RABGEF1: variants seen among roughly 807,000 people sequenced by gnomAD.
The protein encoded by RABGEF1 is RAB guanine nucleotide exchange factor 1, also known as rab5 GDP/GTP exchange factor.
Under a neutral mutation model 57.3 loss-of-function variants are expected in RABGEF1, and 26 were observed. The ratio of observed to expected loss-of-function variants is 0.45; its 90% CI spans 0.33 to 0.63. The LOEUF (loss-of-function observed/expected upper bound fraction) is 0.63, where lower values mean the gene tolerates loss of function less well. Among genes scored for constraint, RABGEF1 ranks in the 20% least tolerant of loss-of-function variants. RABGEF1 has a pLI of 0.02. For synonymous variants in RABGEF1, 185 were observed against 210.7 expected (o/e 0.88, Z 1.06); for missense variants, 464 against 607.6 (o/e 0.76, Z 2.48).
At chr7:66,801,384 C>T (rs1370662986) in intron 7 of RABGEF1, among the ~76,000 whole-genome samples, 4 of 152,146 alleles carry the variant, frequency 2.6e-5, no homozygotes, top group African/African-American at 9.7e-5. Flanking sequence ...TTTTGTATTA[C>T]AGAGAATCCT....
chr7:66,757,736 T>C (rs1369228526), intron 1 of RABGEF1, among the ~76,000 whole-genome samples: 1 of 152,142 alleles, frequency 6.6e-6, no homozygotes, highest in Non-Finnish European at 1.5e-5. Flanking sequence ...CTCAGCCTCC[T>C]GAGTAGCTGG....
the RABGEF1 span, among the ~76,000 whole-genome samples, chr7:66,671,412 G>A: frequency 5.9e-5 from 9 of 152,218 alleles, no homozygotes; most frequent in East Asian, 1.3e-3. Context: ...TCCCACATAG[G>A]GGGGTAGTCT....
At chr7:66,774,846 A>T (rs1402550930) in intron 2 of RABGEF1, among the ~76,000 whole-genome samples, 1 of 152,196 alleles carries the variant, frequency 6.6e-6, no homozygotes, top group Non-Finnish European at 1.5e-5. Flanking sequence ...CTCCCCCAGC[A>T]GATTGAGTTG....
At chr7:66,743,769 G>C (rs1483628686) in intron 1 of RABGEF1, among the ~76,000 whole-genome samples, 1 of 152,114 alleles carries the variant, frequency 6.6e-6, no homozygotes, top group Admixed American at 6.5e-5. Flanking sequence ...CCAAAGTGCT[G>C]GGATTACAGG....
chr7:66,664,813 G>A, the RABGEF1 span, among the ~76,000 whole-genome samples: 2 of 152,176 alleles, frequency 1.3e-5, no homozygotes, highest in Admixed American at 1.3e-4. Flanking sequence ...CCTCATCCCC[G>A]CTCTGTTCAA....
intron 1 of RABGEF1, among the ~76,000 whole-genome samples, chr7:66,764,819 T>C (rs1805300175): frequency 6.6e-6 from 1 of 152,242 alleles, no homozygotes; most frequent in Non-Finnish European, 1.5e-5. Flanking sequence ...CGTTGATTTC[T>C]ATGACTTTCC....
At chr7:66,787,331 G>C (rs1489656646) in intron 4 of RABGEF1, among the ~76,000 whole-genome samples, 1 of 141,954 alleles carries the variant, frequency 7.0e-6, no homozygotes, top group African/African-American at 2.6e-5. Context: ...ACCATGCCTG[G>C]CCTGATTTTT....
At chr7:66,719,396 G>A (rs1175236758) in intron 2 of RABGEF1, among the ~76,000 whole-genome samples, 1 of 152,032 alleles carries the variant, frequency 6.6e-6, no homozygotes, top group African/African-American at 2.4e-5. Flanking sequence ...GTAGAGATGG[G>A]GTCTTGCTAT....
In RABGEF1 at chr7:66,775,296, C is replaced by T. The variant is rs748522060; in HGVS notation, c.249C>T (p.Phe83=). 8.1e-6 allele frequency: 13 copies of T among 1,613,856 alleles called. No individual in the cohort carries two copies. The highest frequency in any genetic ancestry group is 2.7e-5 in the African/African-American group (2 of 74,926). The change falls in exon 3 of 9, where the codon TTC becomes TTT. Residue 83 remains phenylalanine (F), a synonymous_variant. Transcript: ENST00000284957. The part of the protein sequence containing the change: ...QSSQGAQSLT[F]SKFEEKKTNE... ...GCCAAGGGGCCCAATCCCTCACATTCTCCAAGTTTGAAGAAAAGAAAACCA... is the reference window on the plus strand; with the variant it reads ...GCCAAGGGGCCCAATCCCTCACATTTTCCAAGTTTGAAGAAAAGAAAACCA...
At chr7:66,655,842 A>G in the RABGEF1 span, among the ~76,000 whole-genome samples, 1 of 152,326 alleles carries the variant, frequency 6.6e-6, no homozygotes, top group South Asian at 2.1e-4. Context: ...ATTTTTAATG[A>G]CCTTCCAAGC....
At chr7:66,654,864 C>T in the RABGEF1 span, among the ~76,000 whole-genome samples, 1 of 152,374 alleles carries the variant, frequency 6.6e-6, no homozygotes, top group South Asian at 2.1e-4. Flanking sequence ...GCGGCTTCTC[C>T]GTCTAACGTG....
chr7:66,740,031 T>C (rs1250866840), upstream of RABGEF1: 3 of 152,240 alleles, frequency 2.0e-5, no homozygotes, highest in Non-Finnish European at 4.4e-5. Flanking sequence ...TGGAGTTCAG[T>C]GGAGGGATCT....
the RABGEF1 span, among the ~76,000 whole-genome samples, chr7:66,660,191 G>GA: frequency 2.0e-5 from 3 of 151,622 alleles, no homozygotes; most frequent in Non-Finnish European, 4.4e-5. Context: ...ACTAAAAATA[G>GA]AAAAAAATCA....
chr7:66,741,103 C>T (rs1031362464), intron 1 of RABGEF1, among the ~76,000 whole-genome samples: 1 of 152,006 alleles, frequency 6.6e-6, no homozygotes, highest in African/African-American at 2.4e-5. Context: ...ATTTCCTGGC[C>T]GCCTCCCTCT....
chr7:66,748,962 T>G (rs1049177714), intron 1 of RABGEF1: 2 of 202,374 alleles, frequency 9.9e-6, no homozygotes, highest in African/African-American at 4.7e-5. Context: ...AGGCCGCTGC[T>G]GCTTTGCTGG....
At chr7:66,659,035 C>A in the RABGEF1 span, among the ~76,000 whole-genome samples, 1 of 152,074 alleles carries the variant, frequency 6.6e-6, no homozygotes, top group Non-Finnish European at 1.5e-5. Context: ...CGGTGCCCGG[C>A]CGAGAAGGAA....
At chr7:66,693,698 A>C (rs2117157216) in intron 1 of RABGEF1, among the ~76,000 whole-genome samples, 1 of 152,320 alleles carries the variant, frequency 6.6e-6, no homozygotes, top group Middle Eastern at 3.4e-3. Flanking sequence ...GCCTGGACTC[A>C]GATGGCACCA....
chr7:66,711,411 T>TTTTTTTTTTTTTTTTTTTTTTTG (rs1794761823), intron 1 of RABGEF1, among the ~76,000 whole-genome samples: 1 of 152,032 alleles, frequency 6.6e-6, no homozygotes, highest in African/African-American at 2.4e-5. Context: ...GCTAATTTTT[T>TTTTTTTTTTTTTTTTTTTTTTTG]TTTTTTTTTT....
chr7:66,808,349 G>A (rs1788902375), intron 8 of RABGEF1, among the ~76,000 whole-genome samples: 1 of 152,024 alleles, frequency 6.6e-6, no homozygotes, highest in South Asian at 2.1e-4. Context: ...CCAGGTAGCG[G>A]GGATTACAGG....
Sources: gnomAD v4.1 joint callset for allele counts (sites outside exome capture counted in the v4.1 genomes callset) on GRCh38, gnomAD v4.1.1 for gene constraint, MANE v1.5 for transcripts, NCBI Gene and HGNC (gene_info 2026-07-23, HGNC 2026-07-21) for gene names.